The following CYP4A11 variants were observed in gnomAD, a reference collection of about 807,000 sequenced individuals.
CYP4A11 encodes cytochrome P450 4A11.
Under a neutral mutation model 57.7 loss-of-function variants are expected in CYP4A11, and 52 were observed. That is an observed-to-expected ratio of 0.90 (90% confidence interval 0.72 to 1.14). The LOEUF is 1.14. Among genes scored for constraint, CYP4A11 ranks in the 50% most tolerant of loss-of-function variants. The pLI, the probability that CYP4A11 is intolerant of heterozygous loss-of-function variation, is 0.00. For synonymous variants in CYP4A11, 228 were observed against 247.1 expected (o/e 0.92, Z 0.72); for missense variants, 641 against 642.1 (o/e 1.00, Z 0.02).
chr1:46,940,943 G>A (rs1482947638), intron 1 of CYP4A11: 3 of 985,384 alleles, frequency 3.0e-6, no homozygotes, highest in East Asian at 2.3e-4. Context: ...GGCTTATGGG[G>A]TAATCAGTCT....
In CYP4A11 at chr1:46,934,171, C is replaced by T. The variant is rs570187864; in HGVS notation, c.1088+5G>A. ...GGGAACCCCATCTTTTGAGCCCTCA[C>T]TCACCAGGTGATGGAGGCTCCATCA... On this transcript the variant is annotated splice_donor_5th_base_variant and intron_variant, in intron 8 of 11. Coordinates refer to ENST00000310638, the MANE Select transcript of CYP4A11 (RefSeq NM_000778.4). 6.8e-6 allele frequency: 11 copies of T among 1,613,714 alleles called. No homozygotes were observed. In the African/African-American group the frequency reaches 8.0e-5, roughly 12 times the overall value.
chr1:46,933,945 C>T lies in CYP4A11; in HGVS notation c.1222+1G>A, dbSNP rs201413433. Reference sequence around the variant, plus strand: ...GGTGAGAGGGTGGGGGAACTTCATACCTTTGGGCAAGGAGCGCCCATCAGG... The same window carrying T: ...GGTGAGAGGGTGGGGGAACTTCATATCTTTGGGCAAGGAGCGCCCATCAGG... On this transcript the variant is annotated splice_donor_variant, in intron 9 of 11. Coordinates refer to ENST00000310638, the MANE Select transcript of CYP4A11 (RefSeq NM_000778.4). LOFTEE classifies it high-confidence loss of function. 1.2e-5 allele frequency: 20 copies of T among 1,614,046 alleles called. No individual in the cohort carries two copies. Among genetic ancestry groups the T allele is most frequent in the Non-Finnish European group, 1.4e-5 (17 of 1,180,022 alleles).
chr1:46,930,979 G>C (rs1390816614), intron 11 of CYP4A11, among the ~76,000 whole-genome samples: 3 of 152,086 alleles, frequency 2.0e-5, no homozygotes, highest in Non-Finnish European at 4.4e-5. Flanking sequence ...CAGTATTCTT[G>C]CCTGGACTTT....
Position 46,936,815 on chromosome 1 carries a change from T to TTG in CYP4A11, c.383-26_383-25dup, listed in dbSNP as rs35456301. On this transcript the variant is annotated intron_variant, in intron 3 of 11. Coordinates refer to ENST00000310638, the MANE Select transcript of CYP4A11 (RefSeq NM_000778.4). ...CCCTAAGAGAGACATGAATGTGTGTTTGTGTGTGTGTGTGTGTGTGTGTGT... is the reference window on the plus strand; with the variant it reads ...CCCTAAGAGAGACATGAATGTGTGTTTGTGTGTGTGTGTGTGTGTGTGTGTGT... 9,847 of 1,450,300 alleles carry TTG rather than the reference T, an allele frequency of 6.8e-3. 36 individuals are homozygous for TTG. The highest frequency in any genetic ancestry group is 0.037 in the African/African-American group (2,601 of 69,554). The allele number at this position is 1,450,300 out of a possible 1,614,324, so 89.8% of individuals were successfully genotyped here. A position where few individuals can be genotyped will look rare whatever the true frequency, so the allele number is the denominator to read the frequency against.
rs1680926732 is a variant in CYP4A11, at chr1:46,930,169, G to T, written c.1506C>A (p.Ile502=). 1 of 1,613,956 alleles carries T rather than the reference G, an allele frequency of 6.2e-7. No individual in the cohort carries two copies. Among genetic ancestry groups the T allele is most frequent in the South Asian group, 1.1e-5 (1 of 91,074 alleles). Reference sequence around the variant, plus strand: ...TAGGGAGCCTCCTGAGACGCAGGTGGATTCCATTTTTGGATTTCAACACAA... The same window carrying T: ...TAGGGAGCCTCCTGAGACGCAGGTGTATTCCATTTTTGGATTTCAACACAA... ...ARLVLKSKNG[I]HLRLRRLPNP... is the part of the protein sequence containing the mutation. Residue 502 remains isoleucine (I), a synonymous_variant, in exon 12 of 12, where the codon ATC becomes ATA. Coordinates refer to ENST00000310638, the MANE Select transcript of CYP4A11 (RefSeq NM_000778.4).
rs139445822 is a variant in CYP4A11 at position 46,934,930 on chromosome 1, G to C, written c.790+70C>G. 1.9e-4 allele frequency: 300 copies of C among 1,572,488 alleles called. 5 individuals are homozygous for C. In the South Asian group the frequency reaches 2.7e-3, roughly 14 times the overall value. ...GCAGGGTTACTAGGGGCCTTCTCTG[G>C]CTGAGGAGTCAGGGCAAGTTCTTTC... On this transcript the variant is annotated intron_variant, in intron 6 of 11. Coordinates refer to ENST00000310638, the MANE Select transcript of CYP4A11 (RefSeq NM_000778.4).
intron 10 of CYP4A11, 29 bp downstream of exon 10, chr1:46,932,954 C>G (rs1347155111): frequency 1.9e-6 from 3 of 1,614,046 alleles, no homozygotes; most frequent in Non-Finnish European, 2.5e-6. Flanking sequence ...GAGGGATCAC[C>G]TCATTTCCTC....
At chr1:46,941,094 G>C (rs1333380606) in intron 1 of CYP4A11, 145 bp downstream of exon 1, 2 of 1,416,138 alleles carry the variant, frequency 1.4e-6, no homozygotes, top group Non-Finnish European at 1.9e-6. Context: ...ACTGGGAAAA[G>C]CTGAGACCAG....
rs1378499907 is a variant in CYP4A11, at chr1:46,930,082, G to A, written c.*33C>T. On this transcript the variant is annotated 3_prime_UTR_variant, in exon 12 of 12. Transcript: ENST00000310638. Reference sequence around the variant, plus strand: ...GCAGACAGGAAGGGGACAGAAGCGGGGGTCAGGAAGACAGGACGGCAGGTG... The same window carrying A: ...GCAGACAGGAAGGGGACAGAAGCGGAGGTCAGGAAGACAGGACGGCAGGTG... 1 of 1,584,498 alleles carries A rather than the reference G, an allele frequency of 6.3e-7. No individual in the cohort carries two copies. Among genetic ancestry groups the A allele is most frequent in the South Asian group, 1.2e-5 (1 of 86,192 alleles).
chr1:46,937,548 A>G (rs998145150), intron 2 of CYP4A11, among the ~76,000 whole-genome samples: 1 of 152,220 alleles, frequency 6.6e-6, no homozygotes, highest in African/African-American at 2.4e-5. Flanking sequence ...GAAAACATCC[A>G]GAGGGTTAGG....
In CYP4A11 at chr1:46,934,023, A is replaced by G. The variant is rs772865981; in HGVS notation, c.1145T>C (p.Leu382Pro). Residue 382 changes from leucine to proline, a missense_variant, in exon 9 of 12, where the codon CTC becomes CCC. By Grantham distance (98) the Leu-to-Pro change is moderately conservative. Transcript: ENST00000310638. ...TTMCIKEALR[L>P]YPPVPGIGRE... is the part of the protein sequence containing the mutation. ...GCCAATGCCTGGCACCGGTGGGTAGAGCCTCAGTGCCTCCTTAATGCACAT... is the reference window on the plus strand; with the variant it reads ...GCCAATGCCTGGCACCGGTGGGTAGGGCCTCAGTGCCTCCTTAATGCACAT... The G allele has an allele frequency of 8.1e-6, 13 of 1,613,884 alleles. No individual in the cohort carries two copies. Among genetic ancestry groups the G allele is most frequent in the Middle Eastern group, 1.6e-4 (1 of 6,062 alleles).
At chr1:46,939,655 A>G (rs1337404186) in intron 1 of CYP4A11, among the ~76,000 whole-genome samples, 3 of 152,194 alleles carry the variant, frequency 2.0e-5, no homozygotes, top group Non-Finnish European at 4.4e-5. Flanking sequence ...AGGATAGCTC[A>G]TGGAAAAAAG....
At chr1:46,940,968 A>T (rs1323906619) in intron 1 of CYP4A11, 5 of 985,414 alleles carry the variant, frequency 5.1e-6, no homozygotes, top group Non-Finnish European at 6.0e-6. Context: ...ACAATCAGGC[A>T]TTGCCCTCCA....
At chr1:46,935,474 C>G (rs757553372) in intron 5 of CYP4A11, 49 bp downstream of exon 5, 2 of 1,557,408 alleles carry the variant, frequency 1.3e-6, no homozygotes, top group Non-Finnish European at 1.7e-6. Flanking sequence ...GGTATGTGCA[C>G]TCCACTTGAT....
At chr1:46,934,888 AGT>A in intron 6 of CYP4A11, 110 bp downstream of exon 6, 1 of 1,511,584 alleles carries the variant, frequency 6.6e-7, no homozygotes, top group South Asian at 1.3e-5. Flanking sequence ...CCCCAGGCTG[AGT>A]GTGTTCTGCG....
At chr1:46,938,584 GT>G (rs1397468937) in intron 1 of CYP4A11, among the ~76,000 whole-genome samples, 2 of 152,126 alleles carry the variant, frequency 1.3e-5, no homozygotes, top group African/African-American at 4.8e-5. Context: ...GTAAATATTT[GT>G]TAAGATAAAA....
At position 46,932,748 on chromosome 1, in the gene CYP4A11, C is replaced by T; in HGVS notation, c.1364+13G>A. 1.9e-6 allele frequency: 3 copies of T among 1,614,194 alleles called. No homozygotes were observed. The highest frequency in any genetic ancestry group is 2.5e-6 in the Non-Finnish European group (3 of 1,180,030). On this transcript the variant is annotated intron_variant, in intron 11 of 11. Coordinates refer to ENST00000310638, the MANE Select transcript of CYP4A11 (RefSeq NM_000778.4). ...TCATTCCTCTATTCGAATTACCACA[C>T]AGGACGTCTCACCTTGATCCTCCTG... is the stretch of plus-strand genomic sequence containing the variant.
intron 1 of CYP4A11, chr1:46,940,863 C>A: frequency 1.0e-6 from 1 of 985,332 alleles, no homozygotes; most frequent in Non-Finnish European, 1.2e-6. Context: ...AACACAGGGC[C>A]AGGCAGAGTG....
intron 3 of CYP4A11, among the ~76,000 whole-genome samples, 193 bp downstream of exon 3, chr1:46,937,109 A>G (rs1681455681): frequency 6.6e-6 from 1 of 152,200 alleles, no homozygotes; most frequent in South Asian, 2.1e-4. Flanking sequence ...CATGAAATAG[A>G]AGAAGCTGAG....
Sources: allele counts gnomAD v4.1 joint callset (sites outside exome capture counted in the v4.1 genomes callset), GRCh38; gene constraint gnomAD v4.1.1; transcripts MANE v1.5; gene names NCBI Gene and HGNC (gene_info 2026-07-23, HGNC 2026-07-21).